The following LPAR5 variants were observed in gnomAD, a reference collection of about 807,000 sequenced individuals.
LPAR5 encodes the protein G protein-coupled receptor 92.
For missense variants in LPAR5, 544 were observed against 521.8 expected (o/e 1.04, Z -0.41); for synonymous variants, 271 against 261.6 (o/e 1.04, Z -0.35).
intron 1 of LPAR5, among the ~76,000 whole-genome samples, chr12:6,633,872 G>A (rs1948995512): frequency 6.6e-6 from 1 of 152,230 alleles, no homozygotes; most frequent in South Asian, 2.1e-4. Context: ...GGTGAGTCCT[G>A]TACATACTGC....
Position 6,620,690 on chromosome 12 carries a change from T to C in LPAR5, c.559A>G (p.Arg187Gly). 1.3e-6 allele frequency: 2 copies of C among 1,572,354 alleles called. No homozygotes were observed. Among genetic ancestry groups the C allele is most frequent in the Non-Finnish European group, 1.7e-6 (2 of 1,158,716 alleles). The change falls in exon 2 of 2, where the codon AGG becomes GGG. Residue 187 changes from arginine to glycine, a missense_variant. Physicochemically the swap from Arg to Gly is moderately radical, Grantham distance 125. Coordinates refer to ENST00000329858, the MANE Select transcript of LPAR5 (RefSeq NM_020400.6). The surrounding 1 kb of genome is among the most constrained non-coding windows in gnomAD (Gnocchi z 6.8). ...ESFSDELWKG[R>G]LLPLVLLAEA... ...GCCAGCAGCACGAGGGGCAGCAGCC[T>C]GCCTTTCCACAGCTCGTCGCTGAAG...
intron 1 of LPAR5, among the ~76,000 whole-genome samples, chr12:6,624,724 G>A (rs887977131): frequency 5.3e-5 from 8 of 152,200 alleles, no homozygotes; most frequent in African/African-American, 1.9e-4. Context: ...GGGTTCAAGC[G>A]ATTCTCCTGC....
At chr12:6,630,350 T>C (rs1948973186) in intron 1 of LPAR5, among the ~76,000 whole-genome samples, 1 of 150,462 alleles carries the variant, frequency 6.6e-6, no homozygotes, top group Non-Finnish European at 1.5e-5. Context: ...GCTGGTCTCC[T>C]GACCTCAAGT....
chr12:6,632,052 A>G (rs1286442975), intron 1 of LPAR5, among the ~76,000 whole-genome samples: 1 of 151,664 alleles, frequency 6.6e-6, no homozygotes, highest in Admixed American at 6.6e-5. Context: ...GCTCACTGCA[A>G]CCTCTGCCTC....
chr12:6,622,143 G>A (rs989222859), intron 1 of LPAR5, among the ~76,000 whole-genome samples: 2 of 147,170 alleles, frequency 1.4e-5, no homozygotes, highest in African/African-American at 5.1e-5. Flanking sequence ...AATAAAAATA[G>A]CCAGGCGCGG....
chr12:6,620,871 C>T lies in LPAR5; in HGVS notation c.378G>A (p.Pro126=), dbSNP rs1293772974. The T allele has an allele frequency of 6.4e-7, 1 of 1,570,048 alleles. No homozygotes were observed. Among genetic ancestry groups the T allele is most frequent in the Non-Finnish European group, 8.6e-7 (1 of 1,157,528 alleles). The change falls in exon 2 of 2, where the codon CCG becomes CCA. Residue 126 remains proline (P), a synonymous_variant. Transcript: ENST00000329858. This position sits in a 1 kb window ranked among gnomAD's most constrained non-coding sequence, Gnocchi z 6.8. The stretch of plus-strand genomic sequence containing the variant: ...GCCGCCGCAGGTGGCGCAGTCGCAG[C>T]GGGTGCACGATGGCGGCGTAGCGGT... ...NVDRYAAIVH[P]LRLRHLRRPR...
intron 1 of LPAR5, among the ~76,000 whole-genome samples, chr12:6,626,012 G>A (rs1948937140): frequency 6.6e-6 from 1 of 152,112 alleles, no homozygotes; most frequent in South Asian, 2.1e-4. Context: ...GCTCATGCCT[G>A]TAATCCTAGC....
chr12:6,619,993 C>G lies in LPAR5; in HGVS notation c.*137G>C. 5 of 1,206,742 alleles carry G rather than the reference C, an allele frequency of 4.1e-6. No individual in the cohort carries two copies. The highest frequency in any genetic ancestry group is 4.8e-6 in the Non-Finnish European group (4 of 834,318). 74.8% of individuals were successfully genotyped at this position (1,206,742 alleles called of 1,614,324 possible). A position where few individuals can be genotyped will look rare whatever the true frequency, so the allele number is the denominator to read the frequency against. ...TGGGCCCTGGCTTCCACACTTTGTA[C>G]TCTTCTGCGTTGCTAAGCTGGAATT... On this transcript the variant is annotated 3_prime_UTR_variant, in exon 2 of 2. Coordinates refer to ENST00000329858, the MANE Select transcript of LPAR5 (RefSeq NM_020400.6).
At chr12:6,631,586 T>A (rs1948981076) in intron 1 of LPAR5, 1 of 152,328 alleles carries the variant, frequency 6.6e-6, no homozygotes, top group South Asian at 2.1e-4. Flanking sequence ...GTTACTTACC[T>A]CCTCAGGGCC....
intron 1 of LPAR5, among the ~76,000 whole-genome samples, chr12:6,629,533 G>A (rs558019757): frequency 2.5e-4 from 37 of 150,374 alleles, no homozygotes; most frequent in Non-Finnish European, 4.4e-4. Context: ...TATTAGCCGA[G>A]CTTGGTGGCA....
intron 1 of LPAR5, among the ~76,000 whole-genome samples, chr12:6,632,549 T>A (rs1948986496): frequency 6.6e-6 from 1 of 152,104 alleles, no homozygotes; most frequent in South Asian, 2.1e-4. Flanking sequence ...ATGCACCCTT[T>A]CCCCACAGAC....
Position 6,629,097 on chromosome 12 carries a change from C to T in LPAR5, c.-217+6810G>A, listed in dbSNP as rs116183451. On this transcript the variant is annotated intron_variant, in intron 1 of 1. Transcript: ENST00000329858. ...TTCTGTTGAAAAAGTTACAATGTAC[C>T]GGGCACGGTGGCTCACGCCTGTAAT... 3.4e-3 allele frequency among the ~76,000 whole-genome samples: 502 copies of T among 145,876 alleles called. 3 individuals are homozygous for T. Among genetic ancestry groups the T allele is most frequent in the African/African-American group, 0.012 (481 of 39,806 alleles).
At chr12:6,634,047 C>A (rs1386951142) in intron 1 of LPAR5, among the ~76,000 whole-genome samples, 1 of 151,828 alleles carries the variant, frequency 6.6e-6, no homozygotes, top group Non-Finnish European at 1.5e-5. Flanking sequence ...CGCTCTGTTG[C>A]CAGGCTTGAG....
intron 1 of LPAR5, among the ~76,000 whole-genome samples, chr12:6,634,786 A>G (rs1262511973): frequency 6.7e-6 from 1 of 149,610 alleles, no homozygotes; most frequent in East Asian, 2.0e-4. Flanking sequence ...ACAGAGTGAG[A>G]TCCTGTCTTG....
At chr12:6,632,282 T>C (rs1425502133) in intron 1 of LPAR5, among the ~76,000 whole-genome samples, 2 of 152,128 alleles carry the variant, frequency 1.3e-5, no homozygotes, top group African/African-American at 2.4e-5. Flanking sequence ...GCCTCCTCTT[T>C]CAAATAATTC....
intron 1 of LPAR5, among the ~76,000 whole-genome samples, chr12:6,628,013 T>C (rs1444272726): frequency 8.3e-6 from 1 of 121,042 alleles, no homozygotes; most frequent in Non-Finnish European, 1.8e-5. Flanking sequence ...GATCATTCTT[T>C]TCTTTTTCTT....
At chr12:6,628,636 T>C (rs1032946987) in intron 1 of LPAR5, among the ~76,000 whole-genome samples, 3 of 150,822 alleles carry the variant, frequency 2.0e-5, no homozygotes, top group Non-Finnish European at 3.0e-5. Context: ...AATTTCTTTT[T>C]TTTTTTTTTT....
chr12:6,622,119 ACT>A (rs1224403300), intron 1 of LPAR5, among the ~76,000 whole-genome samples: 6 of 144,328 alleles, frequency 4.2e-5, no homozygotes, highest in Admixed American at 3.6e-4. Context: ...CAAAAGTGAA[ACT>A]CTGTCTCAAA....
At chr12:6,634,959 G>A (rs573499133) in intron 1 of LPAR5, among the ~76,000 whole-genome samples, 2 of 150,294 alleles carry the variant, frequency 1.3e-5, no homozygotes, top group Non-Finnish European at 3.0e-5. Flanking sequence ...ATGGTGGTGC[G>A]TACCTATAAT....
Sources: allele counts gnomAD v4.1 joint callset (sites outside exome capture counted in the v4.1 genomes callset), GRCh38; gene constraint gnomAD v4.1.1; non-coding constraint Gnocchi (gnomAD v3.1); transcripts MANE v1.5; gene names NCBI Gene and HGNC (gene_info 2026-07-23, HGNC 2026-07-21).